Variants in TRPM3 observed in about 807,000 individuals in gnomAD.
TRPM3 encodes the protein long transient receptor potential channel 3.
A neutral mutation model predicts 181.2 loss-of-function variants in TRPM3; 77 were observed. That is an observed-to-expected ratio of 0.42 (90% CI 0.35 to 0.51). TRPM3 has a LOEUF of 0.51. Ranked by LOEUF, TRPM3 falls within the 20% of genes least tolerant of loss-of-function variation. The pLI is 0.01. For synonymous variants in TRPM3, 745 were observed against 796.4 expected (o/e 0.94, Z 1.09); for missense variants, 1,759 against 2,196.7 (o/e 0.80, Z 3.98).
rs569988808 is a variant in TRPM3 at position 70,977,228 on chromosome 9, G to A, written c.178-112717C>T. ...CGGCTCACTGCCACCTCCGCCTCGCGGGTTCAAGTGATTCTCCTGCCTCAG... is the reference window on the plus strand; with the variant it reads ...CGGCTCACTGCCACCTCCGCCTCGCAGGTTCAAGTGATTCTCCTGCCTCAG... On this transcript the variant is annotated intron_variant, in intron 1 of 25. Coordinates refer to ENST00000677713, the MANE Select transcript of TRPM3 (RefSeq NM_001366145.2). Among the ~76,000 whole-genome samples the A allele has an allele frequency of 7.2e-4, 110 of 152,256 alleles. 1 individual carries two copies. Among genetic ancestry groups the A allele is most frequent in the Admixed American group, 5.6e-3 (86 of 15,304 alleles).
At chr9:71,056,110 C>G (rs535828644) in intron 1 of TRPM3, among the ~76,000 whole-genome samples, 1 of 152,096 alleles carries the variant, frequency 6.6e-6, no homozygotes, top group African/African-American at 2.4e-5. Context: ...AAGTATCTGA[C>G]GGCAGAGCAT....
Position 71,223,701 on chromosome 9 carries a change from G to T in TRPM3, c.183+222952C>A, listed in dbSNP as rs968773559. ...CCCTGAAAGGTGAGTCCCTGCCCTG[G>T]CAGCATTCACTACAATCTGACTGAA... is the stretch of plus-strand genomic sequence containing the variant. On this transcript the variant is annotated intron_variant, in intron 1 of 24. Transcript: ENST00000357533. Among the ~76,000 whole-genome samples the T allele has an allele frequency of 1.3e-5, 2 of 152,300 alleles. 1 individual carries two copies. The highest frequency in any genetic ancestry group is 6.8e-3 in the Middle Eastern group (2 of 294).
At chr9:70,964,970 C>A (rs1432431591) in intron 1 of TRPM3, among the ~76,000 whole-genome samples, 1 of 152,018 alleles carries the variant, frequency 6.6e-6, no homozygotes, top group Non-Finnish European at 1.5e-5. Flanking sequence ...TACAGTAAGC[C>A]AGTATCTGAA....
intron 7 of TRPM3, among the ~76,000 whole-genome samples, chr9:70,782,795 T>TTA: frequency 6.6e-6 from 1 of 151,474 alleles, no homozygotes. Flanking sequence ...TATTATTATT[T>TTA]TTTGGTTTCA....
At chr9:71,080,293 C>T (rs10125698) in intron 1 of TRPM3, among the ~76,000 whole-genome samples, 6,576 of 151,926 alleles carry the variant, frequency 0.043, 228 homozygotes, top group African/African-American at 0.093. Flanking sequence ...ATGCTAGCAC[C>T]CTAATGGTGG....
intron 3 of TRPM3, among the ~76,000 whole-genome samples, chr9:70,847,716 C>A (rs1422089309): frequency 6.6e-6 from 1 of 152,134 alleles, no homozygotes; most frequent in Non-Finnish European, 1.5e-5. Context: ...CCTACCTCAA[C>A]CTTGACTCTA....
At chr9:71,289,256 G>C (rs2085572718) in intron 1 of TRPM3, among the ~76,000 whole-genome samples, 1 of 151,956 alleles carries the variant, frequency 6.6e-6, no homozygotes, top group Non-Finnish European at 1.5e-5. Flanking sequence ...TGCACTTAAA[G>C]AAATTAAAGA....
chr9:71,283,120 ACTC>A (rs143467348), intron 1 of TRPM3, among the ~76,000 whole-genome samples: 4,553 of 150,940 alleles, frequency 0.03, 195 homozygotes, highest in African/African-American at 0.1. Context: ...TCCCCCATTC[ACTC>A]CTCCTCCAAG....
chr9:70,959,759 G>T (rs1345535830), intron 1 of TRPM3, among the ~76,000 whole-genome samples: 1 of 152,140 alleles, frequency 6.6e-6, no homozygotes, highest in Non-Finnish European at 1.5e-5. Flanking sequence ...AAAGTGGTAA[G>T]TTTCATTTTC....
At chr9:70,647,474 T>C (rs994325467) in intron 9 of TRPM3, among the ~76,000 whole-genome samples, 3 of 152,100 alleles carry the variant, frequency 2.0e-5, no homozygotes, top group African/African-American at 7.2e-5. Flanking sequence ...AGAAAAAGCT[T>C]CCAACAGAAT....
chr9:70,861,165 C>G (rs1283417796), intron 3 of TRPM3, among the ~76,000 whole-genome samples: 1 of 152,064 alleles, frequency 6.6e-6, no homozygotes, highest in Non-Finnish European at 1.5e-5. Context: ...TGACTAAGCT[C>G]TAGGTTTTAT....
intron 1 of TRPM3, among the ~76,000 whole-genome samples, chr9:71,043,762 G>A (rs2059100001): frequency 6.6e-6 from 1 of 152,168 alleles, no homozygotes; most frequent in Non-Finnish European, 1.5e-5. Flanking sequence ...TGAGAGAATG[G>A]GGACTGACAA....
chr9:70,604,527 G>A (rs2060650672), intron 19 of TRPM3, among the ~76,000 whole-genome samples: 1 of 152,214 alleles, frequency 6.6e-6, no homozygotes, highest in South Asian at 2.1e-4. Context: ...CACAGTGTGG[G>A]TGAAAGGATT....
At chr9:71,277,764 T>C (rs922136627) in intron 1 of TRPM3, among the ~76,000 whole-genome samples, 1 of 152,120 alleles carries the variant, frequency 6.6e-6, no homozygotes, top group Admixed American at 6.6e-5. Context: ...TAAAGTAACA[T>C]GAAGGAGAAA....
intron 1 of TRPM3, among the ~76,000 whole-genome samples, chr9:71,151,338 A>G (rs1056611857): frequency 5.9e-5 from 9 of 152,106 alleles, no homozygotes; most frequent in Admixed American, 4.6e-4. Flanking sequence ...GGCACAAAAC[A>G]CAATGAGAGT....
chr9:71,429,697 TC>T (rs1459581151), intron 1 of TRPM3, among the ~76,000 whole-genome samples: 1 of 152,178 alleles, frequency 6.6e-6, no homozygotes, highest in Non-Finnish European at 1.5e-5. Flanking sequence ...TTGTTTTGAA[TC>T]CCCTAATCTT....
intron 1 of TRPM3, among the ~76,000 whole-genome samples, chr9:71,043,816 T>A (rs971412018): frequency 6.6e-6 from 1 of 152,170 alleles, no homozygotes; most frequent in African/African-American, 2.4e-5. Flanking sequence ...TTCAGTGCAG[T>A]ATACCATCTG....
chr9:70,564,497 C>G (rs1234033922), intron 22 of TRPM3, among the ~76,000 whole-genome samples: 1 of 152,104 alleles, frequency 6.6e-6, no homozygotes, highest in Non-Finnish European at 1.5e-5. Context: ...AAGGAATATG[C>G]TTGTTGTTTC....
At chr9:71,032,067 T>TAA (rs376602754) in intron 1 of TRPM3, among the ~76,000 whole-genome samples, 2 of 57,404 alleles carry the variant, frequency 3.5e-5, no homozygotes, top group Non-Finnish European at 6.9e-5. Flanking sequence ...ATTATATATA[T>TAA]TATATTATAT....
Sources: gnomAD v4.1 joint callset for allele counts (sites outside exome capture counted in the v4.1 genomes callset) on GRCh38, gnomAD v4.1.1 for gene constraint, MANE v1.5 for transcripts, NCBI Gene and HGNC (gene_info 2026-07-23, HGNC 2026-07-21) for gene names.